TTC27: variants seen among roughly 807,000 people sequenced by gnomAD.
TTC27 encodes tetratricopeptide repeat protein 27.
A neutral mutation model predicts 115.9 loss-of-function variants in TTC27; 79 were observed. That is an observed-to-expected ratio of 0.68 (90% CI 0.57 to 0.82). The LOEUF (loss-of-function observed/expected upper bound fraction) is 0.82. Among genes scored for constraint, TTC27 ranks in the 40% least tolerant of loss-of-function variants. TTC27 has a pLI of 0.00. For missense variants in TTC27, 1,054 were observed against 993.1 expected, an observed-to-expected ratio of 1.06 and a Z score of -0.82; for synonymous variants, 401 against 356.0, an observed-to-expected ratio of 1.13 and a Z score of -1.42.
chr2:32,663,321 C>T (rs1436904330), intron 5 of TTC27, among the ~76,000 whole-genome samples: 1 of 152,210 alleles, frequency 6.6e-6, no homozygotes, highest in Non-Finnish European at 1.5e-5. Flanking sequence ...CCGAGGGAAT[C>T]TCCTGGCCTG....
intron 4 of TTC27, among the ~76,000 whole-genome samples, chr2:32,643,267 T>G (rs1207693617): frequency 6.6e-6 from 1 of 152,168 alleles, no homozygotes; most frequent in Non-Finnish European, 1.5e-5. Context: ...TTAAATGGTC[T>G]TAAAGACTGA....
intron 10 of TTC27, among the ~76,000 whole-genome samples, chr2:32,726,392 T>C (rs1320774639): frequency 6.6e-6 from 1 of 152,206 alleles, no homozygotes; most frequent in Non-Finnish European, 1.5e-5. Context: ...TTCCACCAGA[T>C]ACCCTAAATC....
intron 3 of TTC27, among the ~76,000 whole-genome samples, chr2:32,635,490 G>T (rs1404586434): frequency 6.6e-6 from 1 of 152,056 alleles, no homozygotes; most frequent in Admixed American, 6.6e-5. Context: ...TTCAAGACCA[G>T]CCTGATCAAC....
At chr2:32,742,548 G>C (rs1033131553) in intron 12 of TTC27, among the ~76,000 whole-genome samples, 1 of 152,230 alleles carries the variant, frequency 6.6e-6, no homozygotes, top group Non-Finnish European at 1.5e-5. Flanking sequence ...ACACAGAAGT[G>C]TAGCTGGGAG....
chr2:32,631,453 C>T (rs888094913), intron 2 of TTC27, among the ~76,000 whole-genome samples: 1 of 152,094 alleles, frequency 6.6e-6, no homozygotes, highest in Non-Finnish European at 1.5e-5. Context: ...CTTGGTTTAC[C>T]TTCTTCCATT....
At chr2:32,746,712 G>A (rs1668845179) in intron 12 of TTC27, among the ~76,000 whole-genome samples, 1 of 152,066 alleles carries the variant, frequency 6.6e-6, no homozygotes, top group Admixed American at 6.6e-5. Context: ...TGTAGGCCCT[G>A]GTACTTTATT....
At chr2:32,715,125 T>C (rs1667711195) in intron 10 of TTC27, among the ~76,000 whole-genome samples, 1 of 152,226 alleles carries the variant, frequency 6.6e-6, no homozygotes, top group Non-Finnish European at 1.5e-5. Context: ...GCTTTTGGCA[T>C]CTTCATCATG....
At chr2:32,682,668 CTTTTTTT>C (rs3077159) in intron 9 of TTC27, among the ~76,000 whole-genome samples, 11 of 127,538 alleles carry the variant, frequency 8.6e-5, no homozygotes, top group Non-Finnish European at 1.8e-4. Context: ...TAATAGAAGT[CTTTTTTT>C]TTTTTTTTTT....
chr2:32,816,094 G>A (rs1441492979), intron 18 of TTC27, among the ~76,000 whole-genome samples: 1 of 152,084 alleles, frequency 6.6e-6, no homozygotes, highest in Admixed American at 6.5e-5. Context: ...GATCACTTGA[G>A]CCCAGGAGTT....
At chr2:32,650,051 AATT>A in intron 4 of TTC27, 77 bp from the exon 5 acceptor site, 1 of 1,197,468 alleles carries the variant, frequency 8.4e-7, no homozygotes, top group Non-Finnish European at 1.2e-6. Context: ...AATGTAAAAA[AATT>A]CTAAAAATCT....
chr2:32,660,074 CCTT>C (rs1323678029), intron 5 of TTC27, among the ~76,000 whole-genome samples: 1 of 152,078 alleles, frequency 6.6e-6, no homozygotes, highest in African/African-American at 2.4e-5. Flanking sequence ...GGTTCTAGAT[CCTT>C]GAAGAATCGC....
intron 16 of TTC27, 25 bp from the exon 17 acceptor site, chr2:32,810,999 C>A (rs1352154422): frequency 6.2e-7 from 1 of 1,611,136 alleles, no homozygotes; most frequent in South Asian, 1.1e-5. Context: ...TTCTAACTTA[C>A]CAGTTTGTTC....
chr2:32,801,396 G>A (rs1051613212), intron 16 of TTC27, among the ~76,000 whole-genome samples: 1 of 152,040 alleles, frequency 6.6e-6, no homozygotes, highest in Non-Finnish European at 1.5e-5. Flanking sequence ...GGCGTTCCTC[G>A]GCTGTGGCAC....
At position 32,678,860 on chromosome 2, in the gene TTC27, A is replaced by G. The variant is rs143686653; in HGVS notation, c.1057A>G (p.Asn353Asp). The change falls in exon 9 of 20, where the codon AAT becomes GAT. Residue 353 changes from asparagine to aspartate, a missense_variant. Physicochemically the swap from Asn to Asp is conservative, Grantham distance 23. Coordinates refer to ENST00000317907, the MANE Select transcript of TTC27 (RefSeq NM_017735.5). ...EIAIILGICT[N>D]FQKNNPVHTL... ...CCTTTTTTTCTTAATTTAAAGCACTAATTTTCAAAAGAATAACCCAGTGCA... is the reference window on the plus strand; with the variant it reads ...CCTTTTTTTCTTAATTTAAAGCACTGATTTTCAAAAGAATAACCCAGTGCA... The G allele has an allele frequency of 1.9e-6, 3 of 1,608,586 alleles. No homozygotes were observed. The highest frequency in any genetic ancestry group is 1.3e-5 in the African/African-American group (1 of 74,828).
chr2:32,639,688 T>G (rs1276128770), intron 3 of TTC27, among the ~76,000 whole-genome samples: 1 of 152,324 alleles, frequency 6.6e-6, no homozygotes, highest in South Asian at 2.1e-4. Flanking sequence ...GCTAGCATTT[T>G]TTTTGAGTTC....
intron 8 of TTC27, among the ~76,000 whole-genome samples, chr2:32,672,882 G>C (rs1242201274): frequency 3.9e-5 from 6 of 152,088 alleles, no homozygotes; most frequent in Non-Finnish European, 5.9e-5. Flanking sequence ...GAATAATTTA[G>C]TGTATATTTC....
At chr2:32,759,618 G>A (rs1340238211) in intron 13 of TTC27, among the ~76,000 whole-genome samples, 1 of 152,098 alleles carries the variant, frequency 6.6e-6, no homozygotes, top group East Asian at 1.9e-4. Flanking sequence ...TTAAATGAAA[G>A]TACAGTTCAA....
At position 32,772,035 on chromosome 2, in the gene TTC27, G is replaced by C. The variant is rs1669846558; in HGVS notation, c.1681-5847G>C. On this transcript the variant is annotated intron_variant, in intron 13 of 19. Transcript: ENST00000317907. ...GATGTGGAAACTTTCAAGAGGAAGG[G>C]AGTTTGAGTAGTAGGTTCATAAGTG... is the stretch of plus-strand genomic sequence containing the variant. 2.0e-5 allele frequency among the ~76,000 whole-genome samples: 3 copies of C among 152,204 alleles called. No individual in the cohort carries two copies. In the South Asian group the frequency reaches 6.2e-4, roughly 32 times the overall value.
intron 6 of TTC27, among the ~76,000 whole-genome samples, chr2:32,665,893 A>AAAAAT (rs960154729): frequency 6.6e-6 from 1 of 152,204 alleles, no homozygotes; most frequent in South Asian, 2.1e-4. Context: ...CCATCTCATA[A>AAAAAT]AAAATAAAAT....
Sources: allele counts gnomAD v4.1 joint callset (sites outside exome capture counted in the v4.1 genomes callset), GRCh38; gene constraint gnomAD v4.1.1; transcripts MANE v1.5; gene names NCBI Gene and HGNC (gene_info 2026-07-23, HGNC 2026-07-21).